Variants in KMT2D observed in about 807,000 individuals in gnomAD.
The protein encoded by KMT2D is histone-lysine N-methyltransferase 2D.
In KMT2D, 55 loss-of-function variants were observed where a neutral mutation model predicts 512.7. That is an observed-to-expected ratio of 0.11 (90% CI 0.09 to 0.13). The LOEUF (loss-of-function observed/expected upper bound fraction) is 0.13, where lower values mean the gene tolerates loss of function less well. Among genes scored for constraint, KMT2D ranks in the 10% least tolerant of loss-of-function variants. The pLI, the probability that KMT2D is intolerant of heterozygous loss-of-function variation, is 1.00. For missense variants in KMT2D, 6,061 were observed against 7,127.9 expected, an observed-to-expected ratio of 0.85 and a Z score of 5.39; for synonymous variants, 2,995 against 2,904.0, an observed-to-expected ratio of 1.03 and a Z score of -1.01.
At chr12:49,049,257 G>T in intron 12 of KMT2D, 39 bp from the exon 13 acceptor site, 1 of 1,306,124 alleles carries the variant, frequency 7.7e-7, no homozygotes, top group Non-Finnish European at 1.1e-6. Context: ...AGCATGTCAA[G>T]GGCTAGTGTG....
chr12:49,033,864 G>A lies in KMT2D; in HGVS notation c.10841C>T (p.Ser3614Leu), dbSNP rs758877211. 1.3e-6 allele frequency: 2 copies of A among 1,554,844 alleles called. No individual in the cohort carries two copies. The highest frequency in any genetic ancestry group is 1.7e-6 in the Non-Finnish European group (2 of 1,152,154). Residue 3614 changes from serine to leucine, a missense_variant, in exon 40 of 55, where the codon TCA (serine) becomes TTA (leucine). Coordinates refer to ENST00000301067, the MANE Select transcript of KMT2D (RefSeq NM_003482.4). ...QQQQQQQQQHSAVLALSPSQS... is the reference protein window; with the variant it reads ...QQQQQQQQQHLAVLALSPSQS... ...GGAAGGGCTGAGAGCCAGCACAGCTGAGTGCTGTTGCTGTTGTTGCTGCTG... is the reference window on the plus strand; with the variant it reads ...GGAAGGGCTGAGAGCCAGCACAGCTAAGTGCTGTTGCTGTTGTTGCTGCTG...
intron 2 of KMT2D, 63 bp downstream of exon 2, chr12:49,055,213 A>G: frequency 2.5e-6 from 4 of 1,590,678 alleles, no homozygotes; most frequent in Non-Finnish European, 2.6e-6. Flanking sequence ...TCCTTGTGCC[A>G]GGACCAGAAA....
chr12:49,034,540 G>A lies in KMT2D; in HGVS notation c.10440+42C>T, dbSNP rs75381243. 2.0e-3 allele frequency: 3,226 copies of A among 1,611,908 alleles called. 63 individuals carry two copies. The African/African-American group carries it at 0.036, about 18-fold the overall frequency. ...GCTAGGCCCTAAGAAGGGTGGCCCA[G>A]TGGCATAAGACACAAGTTCCTACTC... On this transcript the variant is annotated intron_variant, in intron 37 of 54. Transcript: ENST00000301067.
Position 49,046,554 on chromosome 12 carries a change from T to C in KMT2D, c.4418+55A>G. ...CCTCTGTCACATACTCAACATCATATCCACTTTAACATCTCAAGGCCCCAG... is the reference window on the plus strand; with the variant it reads ...CCTCTGTCACATACTCAACATCATACCCACTTTAACATCTCAAGGCCCCAG... On this transcript the variant is annotated intron_variant, in intron 16 of 54. Coordinates refer to ENST00000301067, the MANE Select transcript of KMT2D (RefSeq NM_003482.4). The surrounding 1 kb of genome is among the most constrained non-coding windows in gnomAD (Gnocchi z 4.2). The C allele has an allele frequency of 6.3e-7, 1 of 1,579,552 alleles. No homozygotes were observed. The highest frequency in any genetic ancestry group is 1.7e-5 in the Admixed American group (1 of 58,258).
Position 49,039,418 on chromosome 12 carries a change from C to T in KMT2D, c.8229+17G>A. The T allele has an allele frequency of 6.2e-7, 1 of 1,600,762 alleles. No individual in the cohort carries two copies. The highest frequency in any genetic ancestry group is 8.5e-7 in the Non-Finnish European group (1 of 1,172,478). On this transcript the variant is annotated intron_variant, in intron 33 of 54. Coordinates refer to ENST00000301067, the MANE Select transcript of KMT2D (RefSeq NM_003482.4). The surrounding 1 kb of genome is among the most constrained non-coding windows in gnomAD (Gnocchi z 5.0). ...CTTCAATATCCTGGCCCCACTATCC[C>T]TTGCCACTCTACCTACCTGTGTCCC...
At position 49,045,975 on chromosome 12, in the gene KMT2D, GAGA is replaced by G. The variant is rs751326945; in HGVS notation, c.4694-11_4694-9del. On this transcript the variant is annotated splice_polypyrimidine_tract_variant and intron_variant, in intron 18 of 54. Transcript: ENST00000301067. ...CTGGAGGTGCAACAGGCGCTATGGA[GAGA>G]AGGACAAACGGAGGTGGCTGAGGTC... 9 of 1,613,950 alleles carry G rather than the reference GAGA, an allele frequency of 5.6e-6. No individual in the cohort carries two copies. The highest frequency in any genetic ancestry group is 3.3e-5 in the Admixed American group (2 of 60,020).
Position 49,032,713 on chromosome 12 carries a change from C to G in KMT2D, c.11992G>C (p.Gly3998Arg). The G allele has an allele frequency of 1.2e-6, 2 of 1,609,992 alleles. No homozygotes were observed. Among genetic ancestry groups the G allele is most frequent in the Non-Finnish European group, 1.7e-6 (2 of 1,178,150 alleles). Reference protein sequence around the residue: ...QQQQQQQVALGPGMPAKPLQH... With the variant: ...QQQQQQQVALRPGMPAKPLQH... ...AGAGGCTTTGCTGGCATGCCAGGGC[C>G]AAGTGCCACTTGCTGCTGCTGTTGT... The change falls in exon 40 of 55, where the codon GGC becomes CGC. Residue 3998 changes from glycine to arginine, a missense_variant. Gly to Arg is a moderately radical substitution (Grantham distance 125, BLOSUM62 -2). Around this residue, in one of 16 missense-constraint regions of KMT2D, gnomAD observed 1,600 missense variants for 1,754.9 expected, o/e 0.91. Transcript: ENST00000301067.
rs2120455461 is a variant in KMT2D, at chr12:49,034,303, G to A, written c.10508-4C>T. 2 of 1,611,444 alleles carry A rather than the reference G, an allele frequency of 1.2e-6. No homozygotes were observed. The highest frequency in any genetic ancestry group is 1.7e-6 in the Non-Finnish European group (2 of 1,177,818). Reference sequence around the variant, plus strand: ...TACTGCCGCTGGTCAGCTTCATCTGGGAAAAGAAGCTGGGTGTCAGGACCT... The same window carrying A: ...TACTGCCGCTGGTCAGCTTCATCTGAGAAAAGAAGCTGGGTGTCAGGACCT... On this transcript the variant is annotated splice_polypyrimidine_tract_variant and splice_region_variant and intron_variant, in intron 38 of 54. Coordinates refer to ENST00000301067, the MANE Select transcript of KMT2D (RefSeq NM_003482.4).
At position 49,030,616 on chromosome 12, in the gene KMT2D, G is replaced by A. The variant is rs1592113361; in HGVS notation, c.13824C>T (p.Ser4608=). 6.3e-7 allele frequency: 1 copy of A among 1,576,762 alleles called. No homozygotes were observed. Residue 4608 remains serine, a synonymous_variant, in exon 42 of 55, where the codon TCC becomes TCT. Transcript: ENST00000301067. The part of the protein sequence containing the change: ...GALPTGPDYY[S]QLLTKNNLSN... Reference sequence around the variant, plus strand: ...TTTTTCTGACCTTGGTAAGCAGCTGGGAATAGTAGTCAGGGCCAGTGGGCA... The same window carrying A: ...TTTTTCTGACCTTGGTAAGCAGCTGAGAATAGTAGTCAGGGCCAGTGGGCA...
Position 49,049,964 on chromosome 12 carries a change from G to A in KMT2D, c.3624C>T (p.Ile1208=), listed in dbSNP as rs755572302. The A allele has an allele frequency of 6.2e-7, 1 of 1,614,004 alleles. No homozygotes were observed. Among genetic ancestry groups the A allele is most frequent in the South Asian group, 1.1e-5 (1 of 91,086 alleles). The change falls in exon 12 of 55, where the codon ATC becomes ATT. Residue 1208 remains isoleucine, a synonymous_variant. Coordinates refer to ENST00000301067, the MANE Select transcript of KMT2D (RefSeq NM_003482.4). ...TLIKSDIVNE[I]SNLSQGDASA... is the part of the protein sequence containing the mutation. ...TGGCATCACCCTGGCTCAGATTAGA[G>A]ATCTCGTTAACGATGTCGGATTTGA...
In KMT2D at chr12:49,042,021, A is replaced by G. The variant is rs542951055; in HGVS notation, c.6110-31T>C. On this transcript the variant is annotated intron_variant, in intron 29 of 54. Coordinates refer to ENST00000301067, the MANE Select transcript of KMT2D (RefSeq NM_003482.4). This position sits in a 1 kb window ranked among gnomAD's most constrained non-coding sequence, Gnocchi z 4.4. ...GGGCAGAGAGAGTGAGTCAGAGAAG[A>G]CTTGGCAGGCGACTCCTCCACCTGC... 1 of 1,611,870 alleles carries G rather than the reference A, an allele frequency of 6.2e-7. No homozygotes were observed. The highest frequency in any genetic ancestry group is 2.2e-5 in the East Asian group (1 of 44,812).
In KMT2D at chr12:49,038,635, G is replaced by A. The variant is rs2120501228; in HGVS notation, c.8721C>T (p.Tyr2907=). The A allele has an allele frequency of 6.2e-7, 1 of 1,613,112 alleles. No homozygotes were observed. Among genetic ancestry groups the A allele is most frequent in the African/African-American group, 1.3e-5 (1 of 75,026 alleles). The change falls in exon 35 of 55, where the codon TAC becomes TAT. Residue 2907 remains tyrosine (Y), a synonymous_variant. Transcript: ENST00000301067. This position sits in a 1 kb window ranked among gnomAD's most constrained non-coding sequence, Gnocchi z 5.7. ...GQGPPQRPRF[Y]PVSEDPHRLA... is the part of the protein sequence containing the mutation. ...GTCGGTGGGGGTCCTCACTTACAGG[G>A]TAAAAACGGGGTCTCTGAGGTGGGC... is the stretch of plus-strand genomic sequence containing the variant.
Position 49,039,552 on chromosome 12 carries a change from C to G in KMT2D, c.8112G>C (p.Lys2704Asn). The part of the protein sequence containing the change: ...QIQRNTLRQE[K>N]ETAAAAAGAV... ...CTCCTGCAGCTGCTGCAGCTGTTTCCTTCTCCTGCCGCAGGGTGTTGCGCT... is the reference window on the plus strand; with the variant it reads ...CTCCTGCAGCTGCTGCAGCTGTTTCGTTCTCCTGCCGCAGGGTGTTGCGCT... Residue 2704 changes from lysine to asparagine, a missense_variant, in exon 33 of 55, where the codon AAG becomes AAC. Physicochemically the swap from Lys to Asn is moderately conservative, Grantham distance 94. Around this residue, in one of 16 missense-constraint regions of KMT2D, gnomAD observed 527 missense variants for 578.9 expected, o/e 0.91. Transcript: ENST00000301067. This position sits in a 1 kb window ranked among gnomAD's most constrained non-coding sequence, Gnocchi z 5.0. The G allele has an allele frequency of 6.2e-7, 1 of 1,611,974 alleles. No individual in the cohort carries two copies. The highest frequency in any genetic ancestry group is 8.5e-7 in the Non-Finnish European group (1 of 1,179,592).
In KMT2D at chr12:49,060,163, G is replaced by A. The variant is rs947664471; in HGVS notation, c.-588C>T. 8.6e-5 allele frequency among the ~76,000 whole-genome samples: 13 copies of A among 151,206 alleles called. No homozygotes were observed. Among genetic ancestry groups the A allele is most frequent in the Non-Finnish European group, 1.9e-4 (13 of 67,670 alleles). On this transcript the variant is annotated 5_prime_UTR_variant, in exon 1 of 55. Coordinates refer to ENST00000301067, the MANE Select transcript of KMT2D (RefSeq NM_003482.4). ...GGGCCGCGCGAGCTACGGCGACGCG[G>A]GGCCGGCGGGGCCGCGGGGCTGAAC...
chr12:49,033,250 C>T lies in KMT2D; in HGVS notation c.11455G>A (p.Gly3819Ser), dbSNP rs2120441214. The change falls in exon 40 of 55, where the codon GGC (glycine) becomes AGC (serine). Residue 3819 changes from glycine (G) to serine (S), a missense_variant. Physicochemically the swap from Gly to Ser is moderately conservative, Grantham distance 56. Transcript: ENST00000301067. ...ACCTGTCTGTGAGGGCCCTGGGGGC[C>T]CAAAGCTCCAGGGTGCTGCTGCTGC... ...VLQQQHPGALGPQGPHRQVLM... is the reference protein window; with the variant it reads ...VLQQQHPGALSPQGPHRQVLM... 2 of 1,555,692 alleles carry T rather than the reference C, an allele frequency of 1.3e-6. No individual in the cohort carries two copies. Among genetic ancestry groups the T allele is most frequent in the Non-Finnish European group, 1.7e-6 (2 of 1,149,358 alleles).
chr12:49,032,974 G>C lies in KMT2D; in HGVS notation c.11731C>G (p.Gln3911Glu). ...TGCTGCTGCTGCTGCTGCTGAAGTT[G>C]CTGTTGCTGTTGCAGCTGCTGCTGC... ...QQQQQLQQQQ[Q>E]LQQQQQQQLQ... Residue 3911 changes from glutamine (Q) to glutamate (E), a missense_variant, in exon 40 of 55, where the codon CAA becomes GAA. By Grantham distance (29) the Gln-to-Glu change is conservative (BLOSUM62 2). Coordinates refer to ENST00000301067, the MANE Select transcript of KMT2D (RefSeq NM_003482.4). The C allele has an allele frequency of 1.9e-6, 3 of 1,550,428 alleles. No homozygotes were observed. The highest frequency in any genetic ancestry group is 2.6e-6 in the Non-Finnish European group (3 of 1,146,916).
In KMT2D at chr12:49,049,229, G is replaced by T; in HGVS notation, c.3907-11C>A. The stretch of plus-strand genomic sequence containing the variant: ...ACTGCTGCTGCGACCCTGAGTGAAA[G>T]AAGGGGACAATGACAGGAGCATGTC... On this transcript the variant is annotated splice_polypyrimidine_tract_variant and intron_variant, in intron 12 of 54. Coordinates refer to ENST00000301067, the MANE Select transcript of KMT2D (RefSeq NM_003482.4). 1 of 1,555,838 alleles carries T rather than the reference G, an allele frequency of 6.4e-7. No individual in the cohort carries two copies. Among genetic ancestry groups the T allele is most frequent in the Non-Finnish European group, 8.8e-7 (1 of 1,137,402 alleles).
chr12:49,048,437 T>C (rs962457937), intron 14 of KMT2D, among the ~76,000 whole-genome samples: 15 of 152,240 alleles, frequency 9.9e-5, no homozygotes, highest in African/African-American at 3.6e-4. Context: ...GCAAAGACTT[T>C]TTCACTGCTA....
rs1938260126 is a variant in KMT2D at position 49,054,192 on chromosome 12, C to G, written c.511-52G>C. On this transcript the variant is annotated intron_variant, in intron 5 of 54. Transcript: ENST00000301067. The surrounding 1 kb of genome is among the most constrained non-coding windows in gnomAD (Gnocchi z 6.4). Reference sequence around the variant, plus strand: ...TGTCAGCCAGCTCTCCCCAGACAAACAGTTCAGGCACTAGCTCTGCCCCAG... The same window carrying G: ...TGTCAGCCAGCTCTCCCCAGACAAAGAGTTCAGGCACTAGCTCTGCCCCAG... The G allele has an allele frequency of 6.5e-7, 1 of 1,546,018 alleles. No homozygotes were observed. Among genetic ancestry groups the G allele is most frequent in the South Asian group, 1.2e-5 (1 of 83,668 alleles).
Sources: gnomAD v4.1 joint callset for allele counts (sites outside exome capture counted in the v4.1 genomes callset) on GRCh38, gnomAD v4.1.1 for gene constraint, gnomAD v4.1.1 regional missense constraint, Gnocchi (gnomAD v3.1) non-coding constraint, MANE v1.5 for transcripts, NCBI Gene and HGNC (gene_info 2026-07-23, HGNC 2026-07-21) for gene names.